The following AGMO variants were observed in gnomAD, a reference collection of about 807,000 sequenced individuals.
The protein encoded by AGMO is glyceryl-ether monooxygenase.
Under a neutral mutation model 60.2 loss-of-function variants are expected in AGMO, and 75 were observed. The ratio of observed to expected loss-of-function variants is 1.25; its 90% CI spans 1.03 to 1.51. The LOEUF (loss-of-function observed/expected upper bound fraction) is 1.51, where lower values mean the gene tolerates loss of function less well. Ranked by LOEUF, AGMO falls within the 40% of genes most tolerant of loss-of-function variation. The pLI, the probability that AGMO is intolerant of heterozygous loss-of-function variation, is 0.00. For synonymous variants in AGMO, 261 were observed against 177.1 expected (o/e 1.47, Z -3.76); for missense variants, 763 against 525.5 (o/e 1.45, Z -4.42).
intron 3 of AGMO, among the ~76,000 whole-genome samples, chr7:15,470,747 A>C (rs1413566232): frequency 6.6e-6 from 1 of 151,826 alleles, no homozygotes; most frequent in African/African-American, 2.4e-5. Flanking sequence ...ACTTTGAAAG[A>C]GTTTGAAAGA....
At position 15,410,002 on chromosome 7, in the gene AGMO, T is replaced by TAATA. The variant is rs539260632; in HGVS notation, c.609+8552_609+8555dup. On this transcript the variant is annotated intron_variant, in intron 5 of 12. Transcript: ENST00000342526. Reference sequence around the variant, plus strand: ...ATAGGCTCACAATAAAATAAATAAATAATAAATAAATAAATAGAAATGATA... The same window carrying TAATA: ...ATAGGCTCACAATAAAATAAATAAATAATAAATAAATAAATAAATAGAAATGATA... Among the ~76,000 whole-genome samples, 1,494 of 151,476 alleles carry TAATA rather than the reference T, an allele frequency of 9.9e-3. 23 individuals carry two copies. Among genetic ancestry groups the TAATA allele is most frequent in the African/African-American group, 0.034 (1,419 of 41,392 alleles).
intron 5 of AGMO, among the ~76,000 whole-genome samples, chr7:15,416,045 G>GA (rs1224632219): frequency 1.3e-4 from 6 of 47,542 alleles, no homozygotes; most frequent in African/African-American, 5.0e-4. Flanking sequence ...TTTTTTTTTT[G>GA]GAGGTGGGCA....
intron 12 of AGMO, among the ~76,000 whole-genome samples, chr7:15,308,950 ATTTGG>A (rs1780689352): frequency 6.6e-6 from 1 of 152,186 alleles, no homozygotes; most frequent in Non-Finnish European, 1.5e-5. Flanking sequence ...AAATGGAGTG[ATTTGG>A]TTTGAATTCA....
chr7:15,260,344 C>T (rs1783233035), intron 12 of AGMO, among the ~76,000 whole-genome samples: 1 of 151,640 alleles, frequency 6.6e-6, no homozygotes, highest in Non-Finnish European at 1.5e-5. Context: ...AAATGAACAC[C>T]ACAAGAGAGC....
intron 12 of AGMO, among the ~76,000 whole-genome samples, chr7:15,354,327 T>TGTATACAG: frequency 3.1e-5 from 1 of 32,234 alleles, no homozygotes; most frequent in African/African-American, 2.2e-4. Context: ...TGTATATACG[T>TGTATACAG]ACGCGTGTAT....
chr7:15,280,172 T>C (rs1478355478), intron 12 of AGMO, among the ~76,000 whole-genome samples: 1 of 152,168 alleles, frequency 6.6e-6, no homozygotes, highest in Non-Finnish European at 1.5e-5. Context: ...CTGTGGTTGC[T>C]GTCTCCACCA....
intron 3 of AGMO, among the ~76,000 whole-genome samples, chr7:15,512,652 A>C (rs2128531074): frequency 6.6e-6 from 1 of 152,316 alleles, no homozygotes; most frequent in South Asian, 2.1e-4. Flanking sequence ...ACATATTGTC[A>C]CTTAGTAAAT....
chr7:15,477,391 T>A (rs1782624418), intron 3 of AGMO, among the ~76,000 whole-genome samples: 1 of 152,152 alleles, frequency 6.6e-6, no homozygotes, highest in African/African-American at 2.4e-5. Context: ...ACAGTCACTC[T>A]GTCTTGGTAT....
At chr7:15,510,373 G>T (rs967055031) in intron 3 of AGMO, among the ~76,000 whole-genome samples, 5 of 151,612 alleles carry the variant, frequency 3.3e-5, no homozygotes, top group African/African-American at 1.2e-4. Context: ...AGACAGGATG[G>T]TGCCATGTTG....
intron 12 of AGMO, among the ~76,000 whole-genome samples, chr7:15,308,579 T>C (rs575847509): frequency 3.3e-5 from 5 of 152,278 alleles, no homozygotes; most frequent in African/African-American, 1.2e-4. Context: ...TACTGTAAGC[T>C]TTCTAAAAAC....
intron 5 of AGMO, among the ~76,000 whole-genome samples, chr7:15,410,013 T>A (rs551166231): frequency 1.2e-4 from 18 of 151,452 alleles, no homozygotes; most frequent in African/African-American, 4.1e-4. Flanking sequence ...AATAAATAAA[T>A]AAATAGAAAT....
chr7:15,221,044 T>G (rs1390501836), intron 12 of AGMO, among the ~76,000 whole-genome samples: 2 of 152,206 alleles, frequency 1.3e-5, no homozygotes, highest in African/African-American at 4.8e-5. Flanking sequence ...TAACTTGGTG[T>G]TGTTTTACAC....
At chr7:15,440,298 C>G (rs1345017874) in intron 3 of AGMO, among the ~76,000 whole-genome samples, 3 of 152,248 alleles carry the variant, frequency 2.0e-5, no homozygotes, top group Admixed American at 2.0e-4. Flanking sequence ...AGCCAGTTTA[C>G]AACCAAGATT....
chr7:15,508,723 C>T (rs1010933211), intron 3 of AGMO, among the ~76,000 whole-genome samples: 4 of 149,816 alleles, frequency 2.7e-5, no homozygotes, highest in Non-Finnish European at 4.4e-5. Flanking sequence ...CTAGCTTTAA[C>T]TTCGTATAGA....
At chr7:15,394,597 T>C (rs1784295207) in intron 5 of AGMO, among the ~76,000 whole-genome samples, 1 of 152,228 alleles carries the variant, frequency 6.6e-6, no homozygotes, top group African/African-American at 2.4e-5. Flanking sequence ...CAAGGCACAC[T>C]ACCCTTAGAT....
intron 12 of AGMO, among the ~76,000 whole-genome samples, chr7:15,293,018 C>G (rs1278361331): frequency 6.6e-6 from 1 of 152,014 alleles, no homozygotes; most frequent in Non-Finnish European, 1.5e-5. Flanking sequence ...CCTACTTGGC[C>G]TCCCAAAGTG....
intron 2 of AGMO, among the ~76,000 whole-genome samples, chr7:15,557,689 T>C (rs1159732351): frequency 2.0e-5 from 3 of 152,202 alleles, no homozygotes; most frequent in Middle Eastern, 3.4e-3. Context: ...TAATTTGCTT[T>C]ACTGGGATCT....
the AGMO span, among the ~76,000 whole-genome samples, chr7:15,176,627 A>G: frequency 3.3e-5 from 5 of 151,916 alleles, no homozygotes; most frequent in Non-Finnish European, 5.9e-5. Context: ...GATTACCAAA[A>G]TCAAATTAAT....
At chr7:15,437,585 A>C (rs114835106) in intron 3 of AGMO, among the ~76,000 whole-genome samples, 15,466 of 140,950 alleles carry the variant, frequency 0.11, 857 homozygotes, top group South Asian at 0.15. Flanking sequence ...CCCAGGCTCG[A>C]GTGCAGTGGT....
Sources: gnomAD v4.1 joint callset for allele counts (sites outside exome capture counted in the v4.1 genomes callset) on GRCh38, gnomAD v4.1.1 for gene constraint, MANE v1.5 for transcripts, NCBI Gene and HGNC (gene_info 2026-07-23, HGNC 2026-07-21) for gene names.